ZHX2: variants seen among roughly 807,000 people sequenced by gnomAD.
The protein encoded by ZHX2 is zinc fingers and homeoboxes protein 2.
ZHX2 carries 6 observed loss-of-function variants against 21.9 expected under a neutral mutation model. The observed-to-expected ratio is 0.27, with a 90% CI of 0.15 to 0.54. The LOEUF (loss-of-function observed/expected upper bound fraction) is 0.54, where lower values mean the gene tolerates loss of function less well. ZHX2 is among the 20% of genes least tolerant of loss of function. ZHX2 has a pLI of 0.95. For synonymous variants in ZHX2, 434 were observed against 437.1 expected, an observed-to-expected ratio of 0.99 and a Z score of 0.09; for missense variants, 908 against 1,090.7, an observed-to-expected ratio of 0.83 and a Z score of 2.36.
chr8:122,892,841 C>T (rs1301262001), intron 2 of ZHX2, among the ~76,000 whole-genome samples: 1 of 152,094 alleles, frequency 6.6e-6, no homozygotes, highest in Admixed American at 6.6e-5. Flanking sequence ...TACACCACCA[C>T]ATTTGGCTAA....
At chr8:122,971,716 C>A (rs1813730801) in intron 3 of ZHX2, among the ~76,000 whole-genome samples, 1 of 151,602 alleles carries the variant, frequency 6.6e-6, no homozygotes, top group Non-Finnish European at 1.5e-5. Flanking sequence ...ACCTACAGAT[C>A]TGAAAAACTT....
At chr8:122,865,447 C>T (rs576024448) in intron 2 of ZHX2, among the ~76,000 whole-genome samples, 40 of 152,202 alleles carry the variant, frequency 2.6e-4, no homozygotes, top group Non-Finnish European at 5.1e-4. Context: ...AGTCTTTAAG[C>T]AGGACTTGAG....
intron 3 of ZHX2, among the ~76,000 whole-genome samples, chr8:122,957,642 A>AT (rs921448883): frequency 3.3e-5 from 5 of 151,662 alleles, no homozygotes; most frequent in Admixed American, 6.6e-5. Flanking sequence ...TAATTTTTCT[A>AT]TTTTTTTTAG....
At chr8:122,914,134 A>T (rs916343870) in intron 2 of ZHX2, among the ~76,000 whole-genome samples, 2 of 152,238 alleles carry the variant, frequency 1.3e-5, no homozygotes, top group African/African-American at 4.8e-5. Context: ...TACCTAGCAC[A>T]GTCCTTGGCA....
intron 2 of ZHX2, among the ~76,000 whole-genome samples, chr8:122,949,887 C>T (rs557379906): frequency 2.0e-5 from 3 of 152,134 alleles, no homozygotes; most frequent in African/African-American, 7.2e-5. Context: ...CAGAGCCAGA[C>T]CCTGTCTCAG....
chr8:122,820,631 G>C (rs147983183), intron 1 of ZHX2, among the ~76,000 whole-genome samples: 2 of 152,148 alleles, frequency 1.3e-5, no homozygotes, highest in Non-Finnish European at 2.9e-5. Context: ...GTCACCAGAC[G>C]ACGGGGCTGA....
intron 1 of ZHX2, among the ~76,000 whole-genome samples, chr8:122,835,924 C>T (rs1468505595): frequency 6.6e-6 from 1 of 152,118 alleles, no homozygotes; most frequent in Non-Finnish European, 1.5e-5. Context: ...GCGAAAAAGA[C>T]ACAGCACTTA....
chr8:122,868,062 T>C (rs973377753), intron 2 of ZHX2, among the ~76,000 whole-genome samples: 1 of 152,226 alleles, frequency 6.6e-6, no homozygotes, highest in African/African-American at 2.4e-5. Flanking sequence ...TGTGGACGAA[T>C]GTCTTTGTGA....
At chr8:122,925,574 G>T (rs1182598025) in intron 2 of ZHX2, among the ~76,000 whole-genome samples, 1 of 152,212 alleles carries the variant, frequency 6.6e-6, no homozygotes, top group Non-Finnish European at 1.5e-5. Flanking sequence ...ACACACTCTT[G>T]TAGGAGGAGG....
chr8:122,826,918 A>G (rs2130658152), intron 1 of ZHX2, among the ~76,000 whole-genome samples: 1 of 152,360 alleles, frequency 6.6e-6, no homozygotes. Context: ...AAGAAAAATT[A>G]ACCAAGAGTT....
chr8:122,848,218 G>A (rs972292901), intron 1 of ZHX2, among the ~76,000 whole-genome samples: 2 of 152,120 alleles, frequency 1.3e-5, no homozygotes, highest in Non-Finnish European at 1.5e-5. Context: ...GCGTCTCTGT[G>A]TGTGTGTGCG....
At chr8:122,796,318 G>A (rs1489004765) in intron 1 of ZHX2, among the ~76,000 whole-genome samples, 1 of 152,180 alleles carries the variant, frequency 6.6e-6, no homozygotes, top group Non-Finnish European at 1.5e-5. Flanking sequence ...CCCTTTGGAG[G>A]CACGTCTTGT....
rs1813787840 is a variant in ZHX2, at chr8:122,973,684, G to A, written c.*447G>A. 6.6e-6 allele frequency: 1 copy of A among 151,980 alleles called. No individual in the cohort carries two copies. Among genetic ancestry groups the A allele is most frequent in the African/African-American group, 2.4e-5 (1 of 41,208 alleles). The allele number at this position is 151,980 out of a possible 1,614,324, so 9.4% of individuals were successfully genotyped here. On this transcript the variant is annotated 3_prime_UTR_variant, in exon 4 of 4. Transcript: ENST00000314393. ...TTTTTTATTTTTGTTTTATTAATTT[G>A]GGGAAAGGGGTGTTAGCATTAGTGC...
intron 1 of ZHX2, among the ~76,000 whole-genome samples, chr8:122,795,554 T>G (rs552638853): frequency 3.7e-4 from 56 of 152,356 alleles, no homozygotes; most frequent in African/African-American, 1.3e-3. Flanking sequence ...GTAAACTTTT[T>G]TTTTTTAATA....
At chr8:122,893,260 T>C (rs1336697650) in intron 2 of ZHX2, among the ~76,000 whole-genome samples, 1 of 152,236 alleles carries the variant, frequency 6.6e-6, no homozygotes, top group African/African-American at 2.4e-5. Context: ...TCTTTGTCTT[T>C]GACATTTGAC....
chr8:122,786,984 C>CCCGGGGGGGGGAAAACTCGT, intron 1 of ZHX2, among the ~76,000 whole-genome samples: 1 of 151,938 alleles, frequency 6.6e-6, no homozygotes, highest in South Asian at 2.1e-4. Flanking sequence ...CTCTAATGCC[C>CCCGGGGGGGGGAAAACTCGT]CCACCCTACA....
chr8:122,915,351 C>A (rs1430485688), intron 2 of ZHX2, among the ~76,000 whole-genome samples: 1 of 152,220 alleles, frequency 6.6e-6, no homozygotes, highest in East Asian at 1.9e-4. Flanking sequence ...TCCCATCCTG[C>A]AGCTGCTCCC....
At chr8:122,937,813 C>T (rs1217991894) in intron 2 of ZHX2, among the ~76,000 whole-genome samples, 1 of 151,940 alleles carries the variant, frequency 6.6e-6, no homozygotes, top group African/African-American at 2.4e-5. Context: ...TCCTCCTGAA[C>T]TCAAGCAATC....
chr8:122,802,958 A>G (rs1429296122), intron 1 of ZHX2, among the ~76,000 whole-genome samples: 7 of 63,234 alleles, frequency 1.1e-4, no homozygotes, highest in African/African-American at 4.3e-4. Context: ...CTCCCACCCC[A>G]CCCCACCCCG....
Sources: allele counts gnomAD v4.1 joint callset (sites outside exome capture counted in the v4.1 genomes callset), GRCh38; gene constraint gnomAD v4.1.1; transcripts MANE v1.5; gene names NCBI Gene and HGNC (gene_info 2026-07-23, HGNC 2026-07-21).